Variants in LAMA2 observed in about 807,000 individuals in gnomAD.
The protein encoded by LAMA2 is laminin subunit alpha-2.
LAMA2 carries 269 observed loss-of-function variants against 364.8 expected under a neutral mutation model. The ratio of observed to expected loss-of-function variants is 0.74; its 90% CI spans 0.67 to 0.82. The LOEUF (loss-of-function observed/expected upper bound fraction) is 0.82. LAMA2 is among the 40% of genes least tolerant of loss of function. The pLI is 0.00. For synonymous variants in LAMA2, 1,379 were observed against 1,370.6 expected, an observed-to-expected ratio of 1.01 and a Z score of -0.14; for missense variants, 3,807 against 3,873.2, an observed-to-expected ratio of 0.98 and a Z score of 0.45.
intron 1 of LAMA2, among the ~76,000 whole-genome samples, chr6:128,932,369 T>C (rs1200692503): frequency 6.6e-6 from 1 of 152,152 alleles, no homozygotes; most frequent in Non-Finnish European, 1.5e-5. Context: ...TCAACAAGTG[T>C]TTACTGAAAG....
chr6:129,090,101 G>A (rs555168340), intron 3 of LAMA2, among the ~76,000 whole-genome samples: 2 of 152,228 alleles, frequency 1.3e-5, no homozygotes, highest in East Asian at 3.9e-4. Context: ...TCAATAGTTT[G>A]TTTACTAAAA....
intron 1 of LAMA2, among the ~76,000 whole-genome samples, chr6:129,026,836 G>A (rs1368676827): frequency 6.6e-6 from 1 of 152,104 alleles, no homozygotes; most frequent in African/African-American, 2.4e-5. Context: ...TTACATGGAA[G>A]AAGTCTACTG....
chr6:129,031,839 T>C (rs1445221911), intron 1 of LAMA2, among the ~76,000 whole-genome samples: 1 of 99,880 alleles, frequency 1.0e-5, no homozygotes, highest in African/African-American at 2.9e-5. Flanking sequence ...CTTTTCTTTT[T>C]TTTTGAAATG....
Position 129,098,395 on chromosome 6 carries a change from C to T in LAMA2, c.619C>T (p.His207Tyr). The T allele has an allele frequency of 6.2e-7, 1 of 1,614,000 alleles. No homozygotes were observed. The highest frequency in any genetic ancestry group is 8.5e-7 in the Non-Finnish European group (1 of 1,179,908). ...CTGCACTTCATTTTACTCCAAGATA[C>T]ACCCCTTAGAAAATGGAGAGGTAAG... ...VICTSFYSKI[H>Y]PLENGEIHIS... The change falls in exon 4 of 65, where the codon CAC (histidine) becomes TAC (tyrosine). Residue 207 changes from histidine to tyrosine, a missense_variant. This residue lies in a region of LAMA2 where 394 missense variants were observed against 403.5 expected (regional missense o/e 0.98). Coordinates refer to ENST00000421865, the MANE Select transcript of LAMA2 (RefSeq NM_000426.4).
intron 12 of LAMA2, among the ~76,000 whole-genome samples, chr6:129,199,127 A>G (rs2115046704): frequency 6.6e-6 from 1 of 152,268 alleles, no homozygotes; most frequent in East Asian, 1.9e-4. Context: ...ACCCAAATCC[A>G]TCAGTTTATA....
At chr6:129,509,479 A>G (rs1786387135) in intron 62 of LAMA2, among the ~76,000 whole-genome samples, 2 of 152,114 alleles carry the variant, frequency 1.3e-5, no homozygotes, top group African/African-American at 4.8e-5. Flanking sequence ...ATAGTTTCAT[A>G]GTTGGATCTC....
chr6:129,514,634 C>T (rs1295511741), intron 64 of LAMA2, 39 bp downstream of exon 64: 2 of 1,464,550 alleles, frequency 1.4e-6, no homozygotes, highest in South Asian at 2.3e-5. Flanking sequence ...TCTTTGCTCT[C>T]TTATGTTACT....
At chr6:129,249,288 G>T (rs1201201183) in intron 12 of LAMA2, among the ~76,000 whole-genome samples, 1 of 152,128 alleles carries the variant, frequency 6.6e-6, no homozygotes. Flanking sequence ...TACAGTGCTG[G>T]AGTGGAATTT....
In LAMA2 at chr6:128,976,364, A is replaced by T. The variant is rs939608225; in HGVS notation, c.113-73554A>T. Among the ~76,000 whole-genome samples, 3 of 152,208 alleles carry T rather than the reference A, an allele frequency of 2.0e-5. No individual in the cohort carries two copies. In the East Asian group the frequency reaches 5.8e-4, roughly 29 times the overall value. ...GTGTCCCAGTGGCAGTTGAGTATTT[A>T]GAGTCAAAGCTCAGGGGAGAACTCT... is the stretch of plus-strand genomic sequence containing the variant. On this transcript the variant is annotated intron_variant, in intron 1 of 64. Coordinates refer to ENST00000421865, the MANE Select transcript of LAMA2 (RefSeq NM_000426.4).
chr6:129,388,769 C>A (rs1175952260), intron 35 of LAMA2, among the ~76,000 whole-genome samples: 2 of 152,130 alleles, frequency 1.3e-5, no homozygotes, highest in African/African-American at 2.4e-5. Flanking sequence ...TTATTAATAT[C>A]ATCTTCATTT....
chr6:129,383,254 T>G (rs374427538), intron 35 of LAMA2, 21 bp downstream of exon 35: 1 of 1,537,090 alleles, frequency 6.5e-7, no homozygotes, highest in Non-Finnish European at 9.0e-7. Flanking sequence ...GAATCACATT[T>G]TAATCATCAT....
rs1562458150 is a variant in LAMA2, at chr6:129,322,390, TC to T, written c.4176+1737del. On this transcript the variant is annotated intron_variant, in intron 28 of 64. Coordinates refer to ENST00000421865, the MANE Select transcript of LAMA2 (RefSeq NM_000426.4). ...TGGCACATATGAAATGAGTGACCTT[TC>T]CAGTGAGCATTGAAGATTTTAAAAT... is the stretch of plus-strand genomic sequence containing the variant. Among the ~76,000 whole-genome samples, 4 of 152,302 alleles carry T rather than the reference TC, an allele frequency of 2.6e-5. No individual in the cohort carries two copies. In the South Asian group the frequency reaches 8.3e-4, roughly 32 times the overall value.
intron 1 of LAMA2, among the ~76,000 whole-genome samples, chr6:129,018,496 G>A (rs1395147080): frequency 2.0e-5 from 3 of 148,336 alleles, no homozygotes; most frequent in Non-Finnish European, 4.5e-5. Context: ...AAATATGTAA[G>A]TACAAAAAAG....
chr6:129,272,480 AT>A (rs1457019753), intron 17 of LAMA2, among the ~76,000 whole-genome samples: 1 of 152,186 alleles, frequency 6.6e-6, no homozygotes, highest in Non-Finnish European at 1.5e-5. Flanking sequence ...GTCATAAAGT[AT>A]TAAAGTATCA....
At chr6:129,465,419 T>G in intron 51 of LAMA2, 130 bp downstream of exon 51, 1 of 807,766 alleles carries the variant, frequency 1.2e-6, no homozygotes, top group Non-Finnish European at 2.1e-6. Context: ...ATTTATACAG[T>G]CATTTTTTTG....
chr6:128,968,942 T>C (rs1291108146), intron 1 of LAMA2, among the ~76,000 whole-genome samples: 1 of 152,212 alleles, frequency 6.6e-6, no homozygotes, highest in East Asian at 1.9e-4. Context: ...CTCTGCCTAC[T>C]CTCTGAGAAA....
At chr6:129,465,562 G>C (rs1783500899) in intron 51 of LAMA2, among the ~76,000 whole-genome samples, 1 of 151,964 alleles carries the variant, frequency 6.6e-6, no homozygotes, top group African/African-American at 2.4e-5. Flanking sequence ...ATTATATCCT[G>C]TAATATGTTT....
At chr6:129,349,052 A>G (rs1776715110) in intron 30 of LAMA2, among the ~76,000 whole-genome samples, 1 of 152,184 alleles carries the variant, frequency 6.6e-6, no homozygotes, top group African/African-American at 2.4e-5. Context: ...ATTCCAGAAT[A>G]TTAACATGCT....
intron 40 of LAMA2, among the ~76,000 whole-genome samples, chr6:129,409,711 A>G (rs1478693725): frequency 1.3e-5 from 2 of 152,152 alleles, no homozygotes; most frequent in Non-Finnish European, 2.9e-5. Flanking sequence ...GAGCCTGCCA[A>G]AGGCTTCAAA....
Sources: allele counts gnomAD v4.1 joint callset (sites outside exome capture counted in the v4.1 genomes callset), GRCh38; gene constraint gnomAD v4.1.1; regional missense constraint gnomAD v4.1.1; transcripts MANE v1.5; gene names NCBI Gene and HGNC (gene_info 2026-07-23, HGNC 2026-07-21).